The following FTO variants were observed in gnomAD, a reference collection of about 807,000 sequenced individuals.
FTO encodes the protein FTO alpha-ketoglutarate dependent dioxygenase.
FTO carries 47 observed loss-of-function variants against 63.9 expected under a neutral mutation model. The ratio of observed to expected loss-of-function variants is 0.74; its 90% CI spans 0.58 to 0.94. FTO has a LOEUF of 0.94. FTO is among the 40% of genes least tolerant of loss of function. FTO has a pLI of 0.00. For synonymous variants in FTO, 207 were observed against 224.4 expected, an observed-to-expected ratio of 0.92 and a Z score of 0.69; for missense variants, 562 against 618.1, an observed-to-expected ratio of 0.91 and a Z score of 0.96.
At chr16:53,812,738 A>G (rs796818910) in intron 2 of FTO, among the ~76,000 whole-genome samples, 2 of 152,188 alleles carry the variant, frequency 1.3e-5, no homozygotes, top group South Asian at 4.1e-4. Flanking sequence ...GGCATCTGGA[A>G]AGATTTGACA....
intron 8 of FTO, among the ~76,000 whole-genome samples, chr16:54,009,741 C>CG (rs2084294858): frequency 2.0e-5 from 3 of 152,136 alleles, no homozygotes; most frequent in Non-Finnish European, 4.4e-5. Context: ...CTACCCTATC[C>CG]CACCTACGTC....
intron 2 of FTO, among the ~76,000 whole-genome samples, chr16:53,819,005 T>C (rs2078775257): frequency 1.3e-5 from 2 of 152,196 alleles, no homozygotes; most frequent in Admixed American, 1.3e-4. Flanking sequence ...TCTTGTCCAA[T>C]TGGCCTTAAG....
At chr16:53,816,079 C>A (rs909945843) in intron 2 of FTO, among the ~76,000 whole-genome samples, 1 of 152,120 alleles carries the variant, frequency 6.6e-6, no homozygotes, top group African/African-American at 2.4e-5. Flanking sequence ...GCCCTCTTAT[C>A]CTTCCTTGCC....
intron 2 of FTO, among the ~76,000 whole-genome samples, 195 bp from the exon 3 acceptor site, chr16:53,825,669 C>A (rs778461361): frequency 8.5e-5 from 13 of 152,064 alleles, no homozygotes; most frequent in Non-Finnish European, 1.6e-4. Context: ...ACTTGAAAAT[C>A]TTGACTTTAG....
intron 8 of FTO, among the ~76,000 whole-genome samples, chr16:54,010,939 C>T (rs1567515257): frequency 1.3e-5 from 2 of 152,240 alleles, no homozygotes; most frequent in Non-Finnish European, 1.5e-5. Flanking sequence ...TGTGCATCCC[C>T]GAAAGTAAGT....
In FTO at chr16:53,903,113, C is replaced by A. The variant is rs541698882; in HGVS notation, c.1239+14162C>A. 2.6e-5 allele frequency among the ~76,000 whole-genome samples: 4 copies of A among 152,092 alleles called. No individual in the cohort carries two copies. The South Asian group carries it at 8.3e-4, about 32-fold the overall frequency. On this transcript the variant is annotated intron_variant, in intron 7 of 8. Coordinates refer to ENST00000471389, the MANE Select transcript of FTO (RefSeq NM_001080432.3). Reference sequence around the variant, plus strand: ...TGACAGAGTGAGACCCTGTCTCTTACAAAATAAAAATAAAAACAAAGTTAT... The same window carrying A: ...TGACAGAGTGAGACCCTGTCTCTTAAAAAATAAAAATAAAAACAAAGTTAT...
At chr16:53,754,591 T>A (rs2076876011) in intron 1 of FTO, among the ~76,000 whole-genome samples, 1 of 152,046 alleles carries the variant, frequency 6.6e-6, no homozygotes, top group Non-Finnish European at 1.5e-5. Flanking sequence ...TGAGCTGAGA[T>A]CGCACCACTG....
intron 1 of FTO, among the ~76,000 whole-genome samples, chr16:53,784,608 A>G (rs2077684297): frequency 6.6e-6 from 1 of 152,124 alleles, no homozygotes; most frequent in Admixed American, 6.5e-5. Flanking sequence ...CGAAAAAGAG[A>G]CTAAGTTTAA....
At chr16:53,956,145 G>T (rs918878265) in intron 8 of FTO, among the ~76,000 whole-genome samples, 5 of 152,156 alleles carry the variant, frequency 3.3e-5, no homozygotes, top group African/African-American at 9.7e-5. Flanking sequence ...GAAAGTTAAA[G>T]ATAACTATTG....
At chr16:54,008,398 A>C (rs2084260044) in intron 8 of FTO, 1 of 128,240 alleles carries the variant, frequency 7.8e-6, no homozygotes. Flanking sequence ...GTTACCTCAC[A>C]ATTTTTTTTC....
chr16:53,720,239 C>T (rs894931706), intron 1 of FTO, among the ~76,000 whole-genome samples: 5 of 152,250 alleles, frequency 3.3e-5, no homozygotes, highest in Admixed American at 6.5e-5. Flanking sequence ...ATGAGTCCTC[C>T]AATCTCTGTG....
intron 8 of FTO, among the ~76,000 whole-genome samples, chr16:53,940,734 A>G (rs569013130): frequency 3.2e-4 from 49 of 152,340 alleles, no homozygotes; most frequent in African/African-American, 1.2e-3. Flanking sequence ...AAAAGCTTTT[A>G]GAACTACTTG....
At chr16:53,957,859 C>T (rs1473822436) in intron 8 of FTO, among the ~76,000 whole-genome samples, 1 of 152,208 alleles carries the variant, frequency 6.6e-6, no homozygotes, top group East Asian at 1.9e-4. Context: ...AACAATGCCT[C>T]TTTAGGCATT....
At chr16:53,857,440 G>GTCTCTC (rs147635985) in intron 4 of FTO, among the ~76,000 whole-genome samples, 8,523 of 141,946 alleles carry the variant, frequency 0.06, 761 homozygotes, top group African/African-American at 0.19. Context: ...TGAGAACCTG[G>GTCTCTC]TCTCTCTCTC....
rs901859191 is a variant in FTO, at chr16:54,117,773, T to G, written c.*5858T>G. 8.5e-5 allele frequency: 13 copies of G among 152,220 alleles called. No homozygotes were observed. The highest frequency in any genetic ancestry group is 1.5e-4 in the Non-Finnish European group (10 of 68,040). The allele number at this position is 152,220 out of a possible 1,614,324, so 9.4% of individuals were successfully genotyped here. A position where few individuals can be genotyped will look rare whatever the true frequency, so the allele number is the denominator to read the frequency against. ...GCAATTTTGGATTTGCTTAAAAAAA[T>G]TCTTGCCATCACCTTCTAATGGATG... On this transcript the variant is annotated 3_prime_UTR_variant, in exon 9 of 9. Transcript: ENST00000471389.
chr16:54,001,373 T>C (rs1470981006), intron 8 of FTO, among the ~76,000 whole-genome samples: 1 of 152,182 alleles, frequency 6.6e-6, no homozygotes, highest in African/African-American at 2.4e-5. Context: ...GGTATCTTCG[T>C]CTTCTGAGTA....
chr16:53,822,309 C>T (rs2078888456), intron 2 of FTO, among the ~76,000 whole-genome samples: 1 of 152,148 alleles, frequency 6.6e-6, no homozygotes, highest in South Asian at 2.1e-4. Flanking sequence ...GAATTCATAC[C>T]TTCTTTTTCC....
At position 53,879,910 on chromosome 16, in the gene FTO, G is replaced by A. The variant is rs1344580377; in HGVS notation, c.1042G>A (p.Asp348Asn). The change falls in exon 6 of 9, where the codon GAT (aspartate) becomes AAT (asparagine). Residue 348 changes from aspartate (D) to asparagine (N), a missense_variant. Asp to Asn is a conservative substitution (Grantham distance 23, BLOSUM62 1). Transcript: ENST00000471389. ...CQLALQNVCD[D>N]VDNDDVSLKS... ...GTTGGCTCTGCAGAATGTCTGTGAC[G>A]ATGTGGACAATGATGATGTCTCTTT... 12 of 1,613,848 alleles carry A rather than the reference G, an allele frequency of 7.4e-6. No homozygotes were observed. The highest frequency in any genetic ancestry group is 5.3e-5 in the African/African-American group (4 of 74,978).
rs1322745935 is a variant in FTO, at chr16:54,118,215, C to G, written c.*6300C>G. The G allele has an allele frequency of 6.6e-6, 1 of 152,118 alleles. No individual in the cohort carries two copies. The highest frequency in any genetic ancestry group is 2.4e-5 in the African/African-American group (1 of 41,400). The allele number at this position is 152,118 out of a possible 1,614,324, so 9.4% of individuals were successfully genotyped here. ...AGTGCTGGCCTAGGACAGCAAGGTGCCCTACAGGTGGGGCCAAAAGGGTCA... is the reference window on the plus strand; with the variant it reads ...AGTGCTGGCCTAGGACAGCAAGGTGGCCTACAGGTGGGGCCAAAAGGGTCA... On this transcript the variant is annotated 3_prime_UTR_variant, in exon 9 of 9. Transcript: ENST00000471389.
Sources: allele counts gnomAD v4.1 joint callset (sites outside exome capture counted in the v4.1 genomes callset), GRCh38; gene constraint gnomAD v4.1.1; transcripts MANE v1.5; gene names NCBI Gene and HGNC (gene_info 2026-07-23, HGNC 2026-07-21).